The following SPRY3 variants were observed in gnomAD, a reference collection of about 807,000 sequenced individuals.
SPRY3 encodes sprouty RTK signaling antagonist 3.
SPRY3 carries 15 observed loss-of-function variants against 20.2 expected under a neutral mutation model. The observed-to-expected ratio is 0.74, with a 90% CI of 0.50 to 1.14. SPRY3 has a LOEUF of 1.14. SPRY3 is among the 50% of genes most tolerant of loss of function. The pLI is 0.00. For missense variants in SPRY3, 364 were observed against 363.9 expected (o/e 1.00, Z 0.00); for synonymous variants, 143 against 136.5 (o/e 1.05, Z -0.33).
At chrX:155,670,926 C>T (rs2068038445) in intron 2 of SPRY3, among the ~76,000 whole-genome samples, 1 of 111,946 alleles carries the variant, frequency 8.9e-6, no homozygotes, top group South Asian at 3.7e-4. Flanking sequence ...AAACGTTATT[C>T]CTTGAGGAAA....
intron 2 of SPRY3, among the ~76,000 whole-genome samples, chrX:155,760,021 A>G (rs2091298083): frequency 6.6e-6 from 1 of 152,146 alleles, no homozygotes; most frequent in Admixed American, 6.5e-5. Context: ...CTTCAAATAT[A>G]ATGAATATTA....
exon 2 of SPRY3, among the ~76,000 whole-genome samples, chrX:155,656,928 G>T (rs1039212671): frequency 8.9e-6 from 1 of 111,830 alleles, no homozygotes; most frequent in Non-Finnish European, 1.9e-5. Context: ...CACCAGTGGA[G>T]GCTGCAGAAC....
chrX:155,662,433 G>A (rs1219747698), intron 2 of SPRY3, among the ~76,000 whole-genome samples: 9 of 110,693 alleles, frequency 8.1e-5, no homozygotes, highest in Admixed American at 3.9e-4. Flanking sequence ...GGGACTTGGA[G>A]GTCTCAGGAA....
intron 2 of SPRY3, among the ~76,000 whole-genome samples, chrX:155,707,653 AT>A (rs1488135558): frequency 6.6e-6 from 1 of 151,154 alleles, no homozygotes; most frequent in Non-Finnish European, 1.5e-5. Flanking sequence ...ATTGTTACAT[AT>A]TTATGATTAT....
intron 2 of SPRY3, among the ~76,000 whole-genome samples, chrX:155,738,678 G>A (rs2091184874): frequency 6.6e-6 from 1 of 152,122 alleles, no homozygotes; most frequent in Non-Finnish European, 1.5e-5. Flanking sequence ...TTCTTCCTGG[G>A]AAACCACGCT....
At chrX:155,642,147 C>T (rs188701763) in intron 1 of SPRY3, among the ~76,000 whole-genome samples, 58 of 111,162 alleles carry the variant, frequency 5.2e-4, no homozygotes, top group African/African-American at 1.9e-3. Flanking sequence ...TCCTCCTCCT[C>T]CATTATTTGG....
intron 1 of SPRY3, among the ~76,000 whole-genome samples, chrX:155,641,872 C>T (rs1395980257): frequency 1.7e-5 from 2 of 114,648 alleles, no homozygotes; most frequent in Non-Finnish European, 3.7e-5. Flanking sequence ...AGAGAGGGAG[C>T]GAGGACACAG....
intron 1 of SPRY3, among the ~76,000 whole-genome samples, chrX:155,643,984 A>G (rs2067950099): frequency 9.0e-6 from 1 of 111,075 alleles, no homozygotes; most frequent in Admixed American, 9.6e-5. Context: ...GAACCTTCCA[A>G]TGATTTCTTA....
exon 4 of SPRY3, chrX:155,774,282 A>C: frequency 6.2e-7 from 1 of 1,614,006 alleles, no homozygotes; most frequent in Non-Finnish European, 8.5e-7. Context: ...AGCAATCTGC[A>C]GGGCACCCTA....
downstream of SPRY3, chrX:155,780,832 G>A (rs2091458883): frequency 6.0e-6 from 1 of 166,888 alleles, no homozygotes; most frequent in South Asian, 2.1e-4. Context: ...AAAGTAATGG[G>A]AAGTAATAGT....
At chrX:155,776,298 C>T (rs2091425271) in exon 4 of SPRY3, 1 of 167,118 alleles carries the variant, frequency 6.0e-6, no homozygotes, top group Non-Finnish European at 1.5e-5. Context: ...GAAGCCCTAA[C>T]CAAGCTGTAT....
intron 2 of SPRY3, among the ~76,000 whole-genome samples, chrX:155,761,394 A>T (rs1243261420): frequency 6.6e-6 from 1 of 152,004 alleles, no homozygotes; most frequent in Admixed American, 6.5e-5. Flanking sequence ...GTTCTTTTTC[A>T]TGGCTGCATA....
chrX:155,670,664 T>C (rs186985214), intron 2 of SPRY3, among the ~76,000 whole-genome samples: 50 of 112,417 alleles, frequency 4.4e-4, no homozygotes, highest in South Asian at 1.1e-3. Flanking sequence ...TAATAACTTT[T>C]GTCTGACCTC....
intron 1 of SPRY3, among the ~76,000 whole-genome samples, chrX:155,649,870 C>T (rs1331922188): frequency 1.8e-5 from 2 of 111,372 alleles, no homozygotes; most frequent in African/African-American, 6.5e-5. Flanking sequence ...TTAGAAAACC[C>T]CATCGTCTCA....
At chrX:155,644,434 G>A (rs782698542) in intron 1 of SPRY3, among the ~76,000 whole-genome samples, 4 of 110,705 alleles carry the variant, frequency 3.6e-5, no homozygotes, top group Non-Finnish European at 3.8e-5. Context: ...AGGGCAGTGC[G>A]TTCCACCAGG....
rs546915434 is a variant in SPRY3, at chrX:155,748,098, T to A, written c.-281-19864T>A. Among the ~76,000 whole-genome samples the A allele has an allele frequency of 1.2e-3, 186 of 151,982 alleles. 2 individuals are homozygous for A. The South Asian group carries it at 0.037, about 30-fold the overall frequency. Reference sequence around the variant, plus strand: ...CCAGAGAGGGAGAAAGGATGAGAATTACATTTGCCATCCTATTCTTTTAGT... The same window carrying A: ...CCAGAGAGGGAGAAAGGATGAGAATAACATTTGCCATCCTATTCTTTTAGT... On this transcript the variant is annotated intron_variant, in intron 2 of 3. Transcript: ENST00000675360.
intron 2 of SPRY3, among the ~76,000 whole-genome samples, chrX:155,767,402 A>G (rs2091339567): frequency 6.6e-6 from 1 of 151,936 alleles, no homozygotes; most frequent in African/African-American, 2.4e-5. Context: ...TTATATACCA[A>G]CACACCCTGA....
intron 2 of SPRY3, among the ~76,000 whole-genome samples, chrX:155,664,784 G>A (rs904780965): frequency 1.8e-5 from 2 of 108,656 alleles, no homozygotes; most frequent in Admixed American, 9.9e-5. Flanking sequence ...TGTGGGGTGC[G>A]TGTGTGTGTG....
At chrX:155,736,409 G>A (rs972296527) in intron 2 of SPRY3, among the ~76,000 whole-genome samples, 3 of 151,736 alleles carry the variant, frequency 2.0e-5, no homozygotes, top group African/African-American at 7.3e-5. Flanking sequence ...TTGTTTGTAT[G>A]AGAAAGTCTT....
Sources: allele counts gnomAD v4.1 joint callset (sites outside exome capture counted in the v4.1 genomes callset), GRCh38; gene constraint gnomAD v4.1.1; transcripts MANE v1.5; gene names NCBI Gene and HGNC (gene_info 2026-07-23, HGNC 2026-07-21).